Variants in CELSR3 observed in about 807,000 individuals in gnomAD.
CELSR3 encodes EGF-like protein 1.
A neutral mutation model predicts 270.0 loss-of-function variants in CELSR3; 73 were observed. That is an observed-to-expected ratio of 0.27 (90% confidence interval 0.22 to 0.33). CELSR3 has a LOEUF of 0.33. Ranked by LOEUF, CELSR3 falls within the 10% of genes least tolerant of loss-of-function variation. The pLI is 1.00. For missense variants in CELSR3, 3,614 were observed against 4,533.8 expected, an observed-to-expected ratio of 0.80 and a Z score of 5.83; for synonymous variants, 1,780 against 1,905.4, an observed-to-expected ratio of 0.93 and a Z score of 1.71.
rs1428297254 is a variant in CELSR3, at chr3:48,642,501, G to A, written c.8556-34C>T. The A allele has an allele frequency of 2.1e-5, 33 of 1,594,876 alleles. No individual in the cohort carries two copies. Among genetic ancestry groups the A allele is most frequent in the Middle Eastern group, 1.7e-4 (1 of 6,008 alleles). On this transcript the variant is annotated intron_variant, in intron 30 of 34. Transcript: ENST00000164024. The surrounding 1 kb of genome is among the most constrained non-coding windows in gnomAD (Gnocchi z 6.1). ...GCAGGAGCCCCCCCACCATGAAAGA[G>A]GGATGTGATGGGGTGCCTTGGAGGC...
Position 48,651,566 on chromosome 3 carries a change from C to T in CELSR3, c.6065+11G>A. ...CCAGGTCTCCCCATCGCCTCAGCCCCAGCCTCTTACCTGTGCTCACAGTGG... is the reference window on the plus strand; with the variant it reads ...CCAGGTCTCCCCATCGCCTCAGCCCTAGCCTCTTACCTGTGCTCACAGTGG... On this transcript the variant is annotated intron_variant, in intron 13 of 34. Coordinates refer to ENST00000164024, the MANE Select transcript of CELSR3 (RefSeq NM_001407.3). This position sits in a 1 kb window ranked among gnomAD's most constrained non-coding sequence, Gnocchi z 7.4. 6.3e-7 allele frequency: 1 copy of T among 1,585,624 alleles called. No individual in the cohort carries two copies. Among genetic ancestry groups the T allele is most frequent in the African/African-American group, 1.3e-5 (1 of 74,632 alleles).
Position 48,639,852 on chromosome 3 carries a change from T to C in CELSR3, c.9733A>G (p.Ile3245Val). The C allele has an allele frequency of 6.2e-7, 1 of 1,613,726 alleles. No individual in the cohort carries two copies. Among genetic ancestry groups the C allele is most frequent in the Non-Finnish European group, 8.5e-7 (1 of 1,180,004 alleles). The change falls in exon 34 of 35, where the codon ATT becomes GTT. Residue 3245 changes from isoleucine to valine, a missense_variant. Ile to Val is a conservative substitution (Grantham distance 29). This residue lies in a region of CELSR3 where 1,240 missense variants were observed against 1,351.7 expected (regional missense o/e 0.92). Coordinates refer to ENST00000164024, the MANE Select transcript of CELSR3 (RefSeq NM_001407.3). The surrounding 1 kb of genome is among the most constrained non-coding windows in gnomAD (Gnocchi z 4.1). ...SHGPSTEQLDILSSILASFNS... is the reference protein window; with the variant it reads ...SHGPSTEQLDVLSSILASFNS... ...AAAGAGGCAAGGATGGAGGAAAGAA[T>C]GTCCAACTGTTCTGTGGAGGGGCCA...
Position 48,644,332 on chromosome 3 carries a change from C to T in CELSR3, c.8086-37G>A. On this transcript the variant is annotated intron_variant, in intron 26 of 34. Coordinates refer to ENST00000164024, the MANE Select transcript of CELSR3 (RefSeq NM_001407.3). This position sits in a 1 kb window ranked among gnomAD's most constrained non-coding sequence, Gnocchi z 4.8. The stretch of plus-strand genomic sequence containing the variant: ...GCCAGACATGTGGGGCCGGGCAGGG[C>T]AGAGAGAGAGAGAGAGAGAGAGGCA... 2 of 1,472,384 alleles carry T rather than the reference C, an allele frequency of 1.4e-6. No individual in the cohort carries two copies. Among genetic ancestry groups the T allele is most frequent in the South Asian group, 1.1e-5 (1 of 87,568 alleles). The allele number at this position is 1,472,384 out of a possible 1,614,324, so 91.2% of individuals were successfully genotyped here. A position where few individuals can be genotyped will look rare whatever the true frequency, so the allele number is the denominator to read the frequency against.
intron 3 of CELSR3, 78 bp downstream of exon 3, chr3:48,656,062 C>T: frequency 9.2e-7 from 1 of 1,090,310 alleles, no homozygotes; most frequent in Non-Finnish European, 1.2e-6. Flanking sequence ...GATGCCAGGA[C>T]GGGGCAGTCA....
chr3:48,646,805 C>A lies in CELSR3; in HGVS notation c.7253G>T (p.Gly2418Val). The A allele has an allele frequency of 6.2e-7, 1 of 1,609,516 alleles. No homozygotes were observed. Among genetic ancestry groups the A allele is most frequent in the Non-Finnish European group, 8.5e-7 (1 of 1,178,568 alleles). Residue 2418 changes from glycine (G) to valine (V), a missense_variant, in exon 21 of 35, where the codon GGA (glycine) becomes GTA (valine). Coordinates refer to ENST00000164024, the MANE Select transcript of CELSR3 (RefSeq NM_001407.3). This position sits in a 1 kb window ranked among gnomAD's most constrained non-coding sequence, Gnocchi z 4.8. The part of the protein sequence containing the change: ...IILLVYRTLG[G>V]LLPAQFQAER... Reference sequence around the variant, plus strand: ...TGCCTGGAACTGGGCAGGGAGCAGTCCCCCTAAGGTGCGGTAAACGAGGAG... The same window carrying A: ...TGCCTGGAACTGGGCAGGGAGCAGTACCCCTAAGGTGCGGTAAACGAGGAG...
Position 48,657,142 on chromosome 3 carries a change from T to C in CELSR3, c.3955A>G (p.Thr1319Ala), listed in dbSNP as rs905301965. 1.2e-6 allele frequency: 2 copies of C among 1,613,836 alleles called. No homozygotes were observed. The highest frequency in any genetic ancestry group is 2.7e-5 in the African/African-American group (2 of 74,902). The change falls in exon 2 of 35, where the codon ACA becomes GCA. Residue 1319 changes from threonine (T) to alanine (A), a missense_variant. By Grantham distance (58) the Thr-to-Ala change is moderately conservative. Around this residue, in one of 7 missense-constraint regions of CELSR3, gnomAD observed 1,331 missense variants for 1,933.7 expected, o/e 0.69. Transcript: ENST00000164024. The surrounding 1 kb of genome is among the most constrained non-coding windows in gnomAD (Gnocchi z 5.4). ...DVFIFNIQND[T>A]DVGGTVLNVS... ...TTGAGCACGGTGCCCCCTACGTCTGTGTCGTTCTGGATGTTGAAGATGAAG... is the reference window on the plus strand; with the variant it reads ...TTGAGCACGGTGCCCCCTACGTCTGCGTCGTTCTGGATGTTGAAGATGAAG...
chr3:48,642,533 G>A lies in CELSR3; in HGVS notation c.8556-66C>T. 3.3e-6 allele frequency: 5 copies of A among 1,522,718 alleles called. No homozygotes were observed. The highest frequency in any genetic ancestry group is 4.5e-6 in the Non-Finnish European group (5 of 1,118,116). 94.3% of individuals were successfully genotyped at this position (1,522,718 alleles called of 1,614,324 possible). A position where few individuals can be genotyped will look rare whatever the true frequency, so the allele number is the denominator to read the frequency against. ...GATGGGGTGCCTTGGAGGCTGGAGT[G>A]TCTTTGAGTGCACAGCCAGCTGCGG... On this transcript the variant is annotated intron_variant, in intron 30 of 34. Coordinates refer to ENST00000164024, the MANE Select transcript of CELSR3 (RefSeq NM_001407.3). The surrounding 1 kb of genome is among the most constrained non-coding windows in gnomAD (Gnocchi z 6.1).
In CELSR3 at chr3:48,641,716, T is replaced by C. The variant is rs1196042413; in HGVS notation, c.8824+135A>G. Reference sequence around the variant, plus strand: ...CCCTTAACTGGAGGTGGACAGAGACTAAAAGTTGGGGAACCTGATGACTGA... The same window carrying C: ...CCCTTAACTGGAGGTGGACAGAGACCAAAAGTTGGGGAACCTGATGACTGA... On this transcript the variant is annotated intron_variant, in intron 32 of 34. Coordinates refer to ENST00000164024, the MANE Select transcript of CELSR3 (RefSeq NM_001407.3). The surrounding 1 kb of genome is among the most constrained non-coding windows in gnomAD (Gnocchi z 4.8). The C allele has an allele frequency of 1.7e-5, 17 of 1,005,684 alleles. No homozygotes were observed. Among genetic ancestry groups the C allele is most frequent in the Non-Finnish European group, 1.8e-5 (13 of 708,176 alleles). The allele number at this position is 1,005,684 out of a possible 1,614,324, so 62.3% of individuals were successfully genotyped here.
rs1054379725 is a variant in CELSR3 at position 48,652,125 on chromosome 3, G to A, written c.5752-77C>T. The A allele has an allele frequency of 1.3e-5, 18 of 1,363,082 alleles. No homozygotes were observed. In the Admixed American group the frequency reaches 1.5e-4, roughly 11 times the overall value. The allele number at this position is 1,363,082 out of a possible 1,614,324, so 84.4% of individuals were successfully genotyped here. A position where few individuals can be genotyped will look rare whatever the true frequency, so the allele number is the denominator to read the frequency against. The stretch of plus-strand genomic sequence containing the variant: ...TCAAGTACTGCAGAGCCAGCCACCC[G>A]GTCTGATGATCCTTGACATGCAGTC... On this transcript the variant is annotated intron_variant, in intron 11 of 34. Coordinates refer to ENST00000164024, the MANE Select transcript of CELSR3 (RefSeq NM_001407.3). The surrounding 1 kb of genome is among the most constrained non-coding windows in gnomAD (Gnocchi z 4.3).
chr3:48,652,396 G>C lies in CELSR3; in HGVS notation c.5751+41C>G. The stretch of plus-strand genomic sequence containing the variant: ...AAGGAGCCCCTGACTTCTGACCCCT[G>C]ACCCTAATGCCCCATATCACATTCC... On this transcript the variant is annotated intron_variant, in intron 11 of 34. Coordinates refer to ENST00000164024, the MANE Select transcript of CELSR3 (RefSeq NM_001407.3). This position sits in a 1 kb window ranked among gnomAD's most constrained non-coding sequence, Gnocchi z 4.3. 6.7e-6 allele frequency: 10 copies of C among 1,490,058 alleles called. No individual in the cohort carries two copies. The highest frequency in any genetic ancestry group is 9.4e-6 in the Non-Finnish European group (10 of 1,067,420). The allele number at this position is 1,490,058 out of a possible 1,614,324, so 92.3% of individuals were successfully genotyped here. A position where few individuals can be genotyped will look rare whatever the true frequency, so the allele number is the denominator to read the frequency against.
chr3:48,643,187 G>T (rs2047046046), intron 28 of CELSR3, 104 bp from the exon 29 acceptor site: 2 of 775,436 alleles, frequency 2.6e-6, no homozygotes, highest in Non-Finnish European at 2.2e-6. Context: ...GGCTAGTGTG[G>T]GTCAGTGAGG....
chr3:48,656,383 G>A lies in CELSR3; in HGVS notation c.4400-18C>T, dbSNP rs2077022353. The A allele has an allele frequency of 1.4e-6, 2 of 1,397,530 alleles. No individual in the cohort carries two copies. Among genetic ancestry groups the A allele is most frequent in the East Asian group, 5.7e-5 (2 of 35,142 alleles). 86.6% of individuals were successfully genotyped at this position (1,397,530 alleles called of 1,614,324 possible). A position where few individuals can be genotyped will look rare whatever the true frequency, so the allele number is the denominator to read the frequency against. On this transcript the variant is annotated intron_variant, in intron 2 of 34. Coordinates refer to ENST00000164024, the MANE Select transcript of CELSR3 (RefSeq NM_001407.3). ...GTCCTCTCCTGGGGGCCAAGCCGCG[G>A]TCAGAGGCGGTCACGCCCACGCCCG...
At position 48,660,128 on chromosome 3, in the gene CELSR3, C is replaced by T. The variant is rs368301874; in HGVS notation, c.2507G>A (p.Arg836His). The change falls in exon 1 of 35, where the codon CGT (arginine) becomes CAT (histidine). Residue 836 changes from arginine (R) to histidine (H), a missense_variant. Around this residue, in one of 7 missense-constraint regions of CELSR3, gnomAD observed 215 missense variants for 241.2 expected, o/e 0.89. Transcript: ENST00000164024. This position sits in a 1 kb window ranked among gnomAD's most constrained non-coding sequence, Gnocchi z 5.5. ...YFKLVLTASDRALHDHCYVHI... is the reference protein window; with the variant it reads ...YFKLVLTASDHALHDHCYVHI... ...CACATAGCAGTGATCATGAAGGGCA[C>T]GGTCAGATGCAGTTAGTACCAGCTT... 32 of 1,613,980 alleles carry T rather than the reference C, an allele frequency of 2.0e-5. No homozygotes were observed. The highest frequency in any genetic ancestry group is 9.9e-5 in the South Asian group (9 of 91,086).
Position 48,645,859 on chromosome 3 carries a change from C to T in CELSR3, c.7473G>A (p.Gln2491=), listed in dbSNP as rs748468208. The change falls in exon 23 of 35, where the codon CAG becomes CAA. Residue 2491 remains glutamine (Q), a synonymous_variant. Coordinates refer to ENST00000164024, the MANE Select transcript of CELSR3 (RefSeq NM_001407.3). This position sits in a 1 kb window ranked among gnomAD's most constrained non-coding sequence, Gnocchi z 5.4. ...AGTCCCGTGCTGTCCACACACCATGCTGCTCCGCCCTGCAGCCACAGGGCA... is the reference window on the plus strand; with the variant it reads ...AGTCCCGTGCTGTCCACACACCATGTTGCTCCGCCCTGCAGCCACAGGGCA... ...VQWDPPGLAE[Q]HGVWTARDCE... The T allele has an allele frequency of 6.3e-7, 1 of 1,597,068 alleles. No individual in the cohort carries two copies. Among genetic ancestry groups the T allele is most frequent in the Non-Finnish European group, 8.5e-7 (1 of 1,169,652 alleles).
In CELSR3 at chr3:48,650,432, C is replaced by CCGGGGCGG; in HGVS notation, c.6472+47_6472+48insCCGCCCCG. 8.3e-7 allele frequency: 1 copy of CCGGGGCGG among 1,208,944 alleles called. No homozygotes were observed. 74.9% of individuals were successfully genotyped at this position (1,208,944 alleles called of 1,614,324 possible). ...AGACATGGCTCTAGCAGTCAGAGTACAGGCCCACCCCCACCCTCAGTGATG... is the reference window on the plus strand; with the variant it reads ...AGACATGGCTCTAGCAGTCAGAGTACCGGGGCGGAGGCCCACCCCCACCCTCAGTGATG... On this transcript the variant is annotated intron_variant, in intron 16 of 34. Transcript: ENST00000164024. This position sits in a 1 kb window ranked among gnomAD's most constrained non-coding sequence, Gnocchi z 5.1.
rs1314384016 is a variant in CELSR3, at chr3:48,659,725, G to C, written c.2910C>G (p.Val970=). 2 of 1,614,232 alleles carry C rather than the reference G, an allele frequency of 1.2e-6. No individual in the cohort carries two copies. Among genetic ancestry groups the C allele is most frequent in the East Asian group, 2.2e-5 (1 of 44,886 alleles). ...QFVASHYTGL[V]SEDAPPFTSV... ...TGGTGAAAGGTGGGGCATCCTCAGA[G>C]ACCAGCCCTGTATAGTGGGAGGCCA... is the stretch of plus-strand genomic sequence containing the variant. Residue 970 remains valine (V), a synonymous_variant, in exon 1 of 35, where the codon GTC becomes GTG. Coordinates refer to ENST00000164024, the MANE Select transcript of CELSR3 (RefSeq NM_001407.3). This position sits in a 1 kb window ranked among gnomAD's most constrained non-coding sequence, Gnocchi z 8.1.
chr3:48,642,465 T>A lies in CELSR3; in HGVS notation c.8558A>T (p.Asp2853Val), dbSNP rs1294052631. The A allele has an allele frequency of 6.2e-7, 1 of 1,612,190 alleles. No homozygotes were observed. Among genetic ancestry groups the A allele is most frequent in the African/African-American group, 1.3e-5 (1 of 74,858 alleles). ...DSQRGRSYLRDNVLVRHGSAA... is the reference protein window; with the variant it reads ...DSQRGRSYLRVNVLVRHGSAA... ...TGAGCCATGTCGAACCAGGACATTG[T>A]CCCTGGAAAAGCAGGAGCCCCCCCA... Residue 2853 changes from aspartate (D) to valine (V), a missense_variant and splice_region_variant, in exon 31 of 35, where the codon GAC (aspartate) becomes GTC (valine). By Grantham distance (152) the Asp-to-Val change is radical. This residue lies in a region of CELSR3 where 1,240 missense variants were observed against 1,351.7 expected (regional missense o/e 0.92). Transcript: ENST00000164024. This position sits in a 1 kb window ranked among gnomAD's most constrained non-coding sequence, Gnocchi z 6.1.
At position 48,655,706 on chromosome 3, in the gene CELSR3, C is replaced by T; in HGVS notation, c.4741+30G>A. 1 of 1,582,588 alleles carries T rather than the reference C, an allele frequency of 6.3e-7. No individual in the cohort carries two copies. Among genetic ancestry groups the T allele is most frequent in the Non-Finnish European group, 8.7e-7 (1 of 1,151,708 alleles). ...CCCTGCGTCCTCCAGCACACACGCA[C>T]CCTTTCGCCGTCACATCCGGGGCAC... On this transcript the variant is annotated intron_variant, in intron 4 of 34. Transcript: ENST00000164024. This position sits in a 1 kb window ranked among gnomAD's most constrained non-coding sequence, Gnocchi z 5.8.
At position 48,661,127 on chromosome 3, in the gene CELSR3, C is replaced by T; in HGVS notation, c.1508G>A (p.Arg503His). Reference sequence around the variant, plus strand: ...CAGCTCATAGCTTTCCATGTGCTCGCGGTCCACTCGGCCGCTGGTGCTGAT... The same window carrying T: ...CAGCTCATAGCTTTCCATGTGCTCGTGGTCCACTCGGCCGCTGGTGCTGAT... ...GLISTSGRVD[R>H]EHMESYELVV... Residue 503 changes from arginine (R) to histidine (H), a missense_variant, in exon 1 of 35, where the codon CGC (arginine) becomes CAC (histidine). Transcript: ENST00000164024. 1 of 1,609,674 alleles carries T rather than the reference C, an allele frequency of 6.2e-7. No homozygotes were observed. The highest frequency in any genetic ancestry group is 8.5e-7 in the Non-Finnish European group (1 of 1,178,314).
Sources: gnomAD v4.1 joint callset for allele counts on GRCh38, gnomAD v4.1.1 for gene constraint, gnomAD v4.1.1 regional missense constraint, Gnocchi (gnomAD v3.1) non-coding constraint, MANE v1.5 for transcripts, NCBI Gene and HGNC (gene_info 2026-07-23, HGNC 2026-07-21) for gene names.